Variants in ZGRF1 observed in about 807,000 individuals in gnomAD.
ZGRF1 encodes 5'-3' DNA helicase ZGRF1.
ZGRF1 carries 196 observed loss-of-function variants against 203.5 expected under a neutral mutation model. That is an observed-to-expected ratio of 0.96 (90% CI 0.86 to 1.08). ZGRF1 has a LOEUF of 1.08. Ranked by LOEUF, ZGRF1 falls within the 50% of genes least tolerant of loss-of-function variation. The pLI, the probability that ZGRF1 is intolerant of heterozygous loss-of-function variation, is 0.00. For synonymous variants in ZGRF1, 809 were observed against 841.3 expected (o/e 0.96, Z 0.66); for missense variants, 2,326 against 2,416.3 (o/e 0.96, Z 0.78).
Position 112,586,608 on chromosome 4 carries a change from C to T in ZGRF1, c.3778-25G>A, listed in dbSNP as rs368162783. 4.5e-6 allele frequency: 7 copies of T among 1,555,560 alleles called. No homozygotes were observed. In the African/African-American group the frequency reaches 5.5e-5, roughly 12 times the overall value. ...CCTGCAATGGAATAATTCAAGTTAT[C>T]ATAGCAACTCCAGAAAAATACTGTT... On this transcript the variant is annotated intron_variant, in intron 12 of 27. Coordinates refer to ENST00000505019, the MANE Select transcript of ZGRF1 (RefSeq NM_018392.5).
At chr4:112,544,728 T>C (rs562357648) in intron 24 of ZGRF1, among the ~76,000 whole-genome samples, 3 of 152,320 alleles carry the variant, frequency 2.0e-5, no homozygotes, top group Non-Finnish European at 2.9e-5. Flanking sequence ...ATAGTTTGTA[T>C]AGAAACAGTG....
chr4:112,565,794 G>A (rs952522977), intron 16 of ZGRF1, among the ~76,000 whole-genome samples: 2 of 152,150 alleles, frequency 1.3e-5, no homozygotes, highest in African/African-American at 4.8e-5. Context: ...AAACCACAAT[G>A]AGATACCATC....
At chr4:112,610,310 C>T (rs1751393181) in intron 7 of ZGRF1, among the ~76,000 whole-genome samples, 1 of 152,074 alleles carries the variant, frequency 6.6e-6, no homozygotes, top group South Asian at 2.1e-4. Context: ...GAGGCTCATG[C>T]CTATAATCGC....
chr4:112,589,797 G>A lies in ZGRF1; in HGVS notation c.3054C>T (p.Phe1018=). 6.2e-7 allele frequency: 1 copy of A among 1,613,212 alleles called. No homozygotes were observed. Among genetic ancestry groups the A allele is most frequent in the Non-Finnish European group, 8.5e-7 (1 of 1,179,332 alleles). The change falls in exon 11 of 28, where the codon TTC becomes TTT. Residue 1018 remains phenylalanine (F), a synonymous_variant. Coordinates refer to ENST00000505019, the MANE Select transcript of ZGRF1 (RefSeq NM_018392.5). ...GGGACGTCTCAGAGAATTCTACCAT[G>A]AAGTCTTCATCTCTTGAGTTCAAAG... The part of the protein sequence containing the change: ...TFSLNSRDED[F]MVEFSETSLK...
At chr4:112,619,904 C>T (rs1422597318) in intron 5 of ZGRF1, 98 bp downstream of exon 5, 2 of 1,028,886 alleles carry the variant, frequency 1.9e-6, no homozygotes, top group Admixed American at 3.2e-5. Flanking sequence ...TATGAAGTGC[C>T]CTTTGAATGA....
At chr4:112,595,988 TTATC>T (rs1748944521) in intron 10 of ZGRF1, among the ~76,000 whole-genome samples, 1 of 152,232 alleles carries the variant, frequency 6.6e-6, no homozygotes. Context: ...AAAAAAGCAC[TTATC>T]TGTTTGTAGA....
intron 16 of ZGRF1, among the ~76,000 whole-genome samples, chr4:112,573,191 CA>C (rs1744510489): frequency 6.6e-6 from 1 of 151,734 alleles, no homozygotes; most frequent in African/African-American, 2.4e-5. Flanking sequence ...CACACACACA[CA>C]CACACACACC....
chr4:112,553,660 T>C (rs567857905), intron 22 of ZGRF1, among the ~76,000 whole-genome samples, 175 bp downstream of exon 22: 1 of 152,312 alleles, frequency 6.6e-6, no homozygotes, highest in Non-Finnish European at 1.5e-5. Context: ...GAAGCAAACA[T>C]AAAACATACA....
chr4:112,580,097 G>C (rs1233123205), intron 16 of ZGRF1, among the ~76,000 whole-genome samples: 2 of 121,888 alleles, frequency 1.6e-5, no homozygotes, highest in African/African-American at 5.7e-5. Context: ...CAATGGAACA[G>C]AACAGAGCCC....
intron 7 of ZGRF1, among the ~76,000 whole-genome samples, chr4:112,609,897 T>G (rs558527800): frequency 6.6e-6 from 1 of 152,082 alleles, no homozygotes; most frequent in Non-Finnish European, 1.5e-5. Flanking sequence ...TTCCAACACT[T>G]TAGAGGCTGG....
rs769812310 is a variant in ZGRF1 at position 112,553,932 on chromosome 4, G to A, written c.5249C>T (p.Ala1750Val). 6.2e-7 allele frequency: 1 copy of A among 1,613,146 alleles called. No individual in the cohort carries two copies. The highest frequency in any genetic ancestry group is 8.5e-7 in the Non-Finnish European group (1 of 1,179,560). Residue 1750 changes from alanine (A) to valine (V), a missense_variant, in exon 22 of 28, where the codon GCA becomes GTA. Transcript: ENST00000505019. ...AGGAGTCAGGTCTTCTTTCATTAGT[G>A]CATGTAGTTCTTTTAACTGTTCACT... ...NESEQLKELHALMKEDLTPTE... is the reference protein window; with the variant it reads ...NESEQLKELHVLMKEDLTPTE...
chr4:112,539,563 T>C lies in ZGRF1; in HGVS notation c.6299A>G (p.Asp2100Gly). 14 of 1,403,934 alleles carry C rather than the reference T, an allele frequency of 1.0e-5. No individual in the cohort carries two copies. Among genetic ancestry groups the C allele is most frequent in the Non-Finnish European group, 1.3e-5 (13 of 1,014,430 alleles). The allele number at this position is 1,403,934 out of a possible 1,614,324, so 87.0% of individuals were successfully genotyped here. The stretch of plus-strand genomic sequence containing the variant: ...CATGTCTTTTTATGAATGAGATTTA[T>C]CTTTAGATTTCTCTTTTTCACTCTT... ...KKKSEKEKSK[D>G]KSHS Residue 2100 changes from aspartate (D) to glycine (G), a missense_variant, in exon 28 of 28, where the codon GAT becomes GGT. Coordinates refer to ENST00000505019, the MANE Select transcript of ZGRF1 (RefSeq NM_018392.5).
chr4:112,583,249 T>A (rs1480070495), intron 15 of ZGRF1, among the ~76,000 whole-genome samples: 1 of 152,188 alleles, frequency 6.6e-6, no homozygotes, highest in Non-Finnish European at 1.5e-5. Context: ...TTTTGAATAA[T>A]CTAAACTTTT....
intron 3 of ZGRF1, among the ~76,000 whole-genome samples, chr4:112,629,488 T>C (rs1019264695): frequency 6.6e-6 from 1 of 151,982 alleles, no homozygotes; most frequent in Non-Finnish European, 1.5e-5. Context: ...CTGGCCAACA[T>C]GGTGAAACCC....
At chr4:112,540,330 T>G (rs1737319760) in intron 26 of ZGRF1, among the ~76,000 whole-genome samples, 1 of 152,144 alleles carries the variant, frequency 6.6e-6, no homozygotes, top group Admixed American at 6.6e-5. Flanking sequence ...CAAAAGCAAT[T>G]TATCTATTGC....
At chr4:112,592,865 T>C (rs1748409712) in intron 10 of ZGRF1, among the ~76,000 whole-genome samples, 1 of 152,202 alleles carries the variant, frequency 6.6e-6, no homozygotes, top group Admixed American at 6.5e-5. Flanking sequence ...ACACAGCCTT[T>C]AGGAGATAAC....
intron 16 of ZGRF1, among the ~76,000 whole-genome samples, chr4:112,573,200 A>ACACACACACC (rs534017977): frequency 1.3e-5 from 2 of 148,736 alleles, no homozygotes; most frequent in South Asian, 2.1e-4. Flanking sequence ...ACACACACAC[A>ACACACACACC]CCCATGGAAT....
intron 16 of ZGRF1, chr4:112,564,970 TA>T: frequency 1.2e-6 from 1 of 837,480 alleles, no homozygotes; most frequent in Non-Finnish European, 2.1e-6. Context: ...ATGAGGTAAG[TA>T]AGGAGGTCTC....
At chr4:112,573,477 T>C (rs1473218975) in intron 16 of ZGRF1, among the ~76,000 whole-genome samples, 1 of 152,062 alleles carries the variant, frequency 6.6e-6, no homozygotes, top group African/African-American at 2.4e-5. Context: ...GTGATAGGTG[T>C]AGCAAAATCT....
Sources: gnomAD v4.1 joint callset for allele counts (sites outside exome capture counted in the v4.1 genomes callset) on GRCh38, gnomAD v4.1.1 for gene constraint, MANE v1.5 for transcripts, NCBI Gene and HGNC (gene_info 2026-07-23, HGNC 2026-07-21) for gene names.